DDX46: variants seen among roughly 807,000 people sequenced by gnomAD.
DDX46 encodes the protein probable ATP-dependent RNA helicase DDX46.
In DDX46, 30 loss-of-function variants were observed where a neutral mutation model predicts 134.9. The ratio of observed to expected loss-of-function variants is 0.22; its 90% CI spans 0.17 to 0.30. The LOEUF is 0.30. DDX46 is among the 10% of genes least tolerant of loss of function. DDX46 has a pLI of 1.00. For synonymous variants in DDX46, 415 were observed against 404.1 expected (o/e 1.03, Z -0.32); for missense variants, 622 against 1,248.7 (o/e 0.50, Z 7.56).
intron 16 of DDX46, among the ~76,000 whole-genome samples, chr5:134,810,603 C>G (rs1330265772): frequency 6.6e-6 from 1 of 151,812 alleles, no homozygotes; most frequent in East Asian, 1.9e-4. Context: ...CTTGGCCTCC[C>G]AAAGTGCTGG....
rs576453329 is a variant in DDX46 at position 134,792,842 on chromosome 5, ATTGT to A, written c.1627-2002_1627-1999del. Reference sequence around the variant, plus strand: ...GTACATGAGAGAGAAATGCTGAATAATTGTTTGTTGATAACTGAAAACCTGCTGG... The same window carrying A: ...GTACATGAGAGAGAAATGCTGAATAATTGTTGATAACTGAAAACCTGCTGG... On this transcript the variant is annotated intron_variant, in intron 13 of 22. Coordinates refer to ENST00000452510, the MANE Select transcript of DDX46 (RefSeq NM_001300860.2). Among the ~76,000 whole-genome samples, 42 of 152,336 alleles carry A rather than the reference ATTGT, an allele frequency of 2.8e-4. No individual in the cohort carries two copies. In the East Asian group the frequency reaches 7.1e-3, roughly 26 times the overall value.
intron 14 of DDX46, 27 bp downstream of exon 14, chr5:134,795,041 A>T (rs377511507): frequency 6.2e-7 from 1 of 1,610,924 alleles, no homozygotes; most frequent in Middle Eastern, 1.7e-4. Context: ...GGAAATTCCC[A>T]GTTTCCTTGA....
intron 18 of DDX46, among the ~76,000 whole-genome samples, chr5:134,812,818 A>G (rs1167592091): frequency 6.6e-6 from 1 of 152,020 alleles, no homozygotes; most frequent in Non-Finnish European, 1.5e-5. Context: ...TTGTATTTTT[A>G]GTAGAGATGG....
intron 5 of DDX46, 51 bp from the exon 6 acceptor site, chr5:134,777,523 A>C: frequency 6.2e-7 from 1 of 1,603,628 alleles, no homozygotes; most frequent in African/African-American, 1.3e-5. Flanking sequence ...TGATTGTGAA[A>C]TACTGCATTT....
rs372113261 is a variant in DDX46 at position 134,831,121 on chromosome 5, A to G, written c.*2415A>G. 2.0e-5 allele frequency: 3 copies of G among 152,162 alleles called. No homozygotes were observed. The highest frequency in any genetic ancestry group is 4.8e-5 in the African/African-American group (2 of 41,440). 9.4% of individuals were successfully genotyped at this position (152,162 alleles called of 1,614,324 possible). ...ATAAAATAAAATTAATTCGAATTCA[A>G]TCTGCACTTTCTTAAAATTATCTTT... On this transcript the variant is annotated 3_prime_UTR_variant, in exon 23 of 23. Transcript: ENST00000452510.
intron 15 of DDX46, among the ~76,000 whole-genome samples, chr5:134,806,416 T>C (rs1754987796): frequency 6.6e-6 from 1 of 152,220 alleles, no homozygotes; most frequent in Admixed American, 6.5e-5. Flanking sequence ...ACATCCCATA[T>C]GCTGCTTCAG....
At chr5:134,783,109 C>T in intron 9 of DDX46, 44 bp downstream of exon 9, 1 of 1,601,490 alleles carries the variant, frequency 6.2e-7, no homozygotes, top group Non-Finnish European at 8.5e-7. Flanking sequence ...TCTTGCTGCT[C>T]AAAATAGTCC....
In DDX46 at chr5:134,830,169, G is replaced by GAAAAAAAAAA. The variant is rs57416807; in HGVS notation, c.*1469_*1478dup. The GAAAAAAAAAA allele has an allele frequency of 5.4e-5, 3 of 55,266 alleles. No homozygotes were observed. Among genetic ancestry groups the GAAAAAAAAAA allele is most frequent in the South Asian group, 6.6e-4 (1 of 1,504 alleles). 3.4% of individuals were successfully genotyped at this position (55,266 alleles called of 1,614,324 possible). On this transcript the variant is annotated 3_prime_UTR_variant, in exon 23 of 23. Transcript: ENST00000452510. Reference sequence around the variant, plus strand: ...TTAAACCAACCACAGATCAAAAATAGAAAAAAAAAAAAAAAGAAAAAAAGA... The same window carrying GAAAAAAAAAA: ...TTAAACCAACCACAGATCAAAAATAGAAAAAAAAAAAAAAAAAAAAAAAAAGAAAAAAAGA...
At chr5:134,773,577 C>A in intron 4 of DDX46, 119 bp from the exon 5 acceptor site, 1 of 1,199,150 alleles carries the variant, frequency 8.3e-7, no homozygotes, top group South Asian at 1.8e-5. Flanking sequence ...GTATATATGC[C>A]TTTTTTCCCC....
In DDX46 at chr5:134,788,598, CA is replaced by C. The variant is rs1486824194; in HGVS notation, c.1543+8del. The C allele has an allele frequency of 7.4e-6, 12 of 1,611,342 alleles. No homozygotes were observed. Among genetic ancestry groups the C allele is most frequent in the Non-Finnish European group, 1.0e-5 (12 of 1,179,048 alleles). On this transcript the variant is annotated splice_region_variant and intron_variant, in intron 12 of 22. Coordinates refer to ENST00000452510, the MANE Select transcript of DDX46 (RefSeq NM_001300860.2). ...ATGTTAGCCGCTAACAGTGGTAAGT[CA>C]GGGGTATTTTTTTGGTGTCTTTTAT...
At chr5:134,780,635 C>T (rs1002342772) in intron 6 of DDX46, 2 of 149,868 alleles carry the variant, frequency 1.3e-5, no homozygotes, top group East Asian at 1.9e-4. Flanking sequence ...ATTTATAATA[C>T]AGTAAATTAT....
chr5:134,811,683 C>CT lies in DDX46; in HGVS notation c.2287-6dup. The CT allele has an allele frequency of 1.9e-6, 3 of 1,577,444 alleles. No individual in the cohort carries two copies. The highest frequency in any genetic ancestry group is 1.4e-5 in the African/African-American group (1 of 72,590). ...TTTACTATGAGATTAACTTCGTTTT[C>CT]TTTTTTTGAAAGGAGGGGAAAATAA... On this transcript the variant is annotated splice_polypyrimidine_tract_variant and intron_variant, in intron 17 of 22. Transcript: ENST00000452510.
chr5:134,775,189 A>G (rs1055053379), intron 5 of DDX46, among the ~76,000 whole-genome samples: 2 of 152,030 alleles, frequency 1.3e-5, no homozygotes, highest in South Asian at 2.1e-4. Context: ...CCTGGGGTCA[A>G]GAGAGCCTGC....
At chr5:134,769,327 GTTTTTTTTTTT>G (rs1026334806) in intron 3 of DDX46, among the ~76,000 whole-genome samples, 1 of 100,480 alleles carries the variant, frequency 1.0e-5, no homozygotes, top group Non-Finnish European at 2.0e-5. Flanking sequence ...TATTTTCAAG[GTTTTTTTTTTT>G]TTTTTTTTTT....
chr5:134,811,460 C>G (rs937392195), intron 17 of DDX46, 102 bp downstream of exon 17: 22 of 1,446,192 alleles, frequency 1.5e-5, no homozygotes, highest in Non-Finnish European at 1.9e-5. Context: ...GAAAATTTTG[C>G]TACGACTATT....
intron 5 of DDX46, among the ~76,000 whole-genome samples, chr5:134,776,978 C>T (rs913634763): frequency 4.7e-5 from 7 of 149,614 alleles, no homozygotes; most frequent in Non-Finnish European, 1.0e-4. Context: ...TTTGGGAGGC[C>T]GAGGCGGGCG....
At position 134,828,779 on chromosome 5, in the gene DDX46, G is replaced by A. The variant is rs1412068939; in HGVS notation, c.*73G>A. ...GCAGTTGCTGTCTGCAGTTTACAAT[G>A]TATTGTAAATGAAGATTTTTTAAAT... is the stretch of plus-strand genomic sequence containing the variant. On this transcript the variant is annotated 3_prime_UTR_variant, in exon 23 of 23. Coordinates refer to ENST00000452510, the MANE Select transcript of DDX46 (RefSeq NM_001300860.2). 7.4e-6 allele frequency: 8 copies of A among 1,084,364 alleles called. No individual in the cohort carries two copies. The African/African-American group carries it at 8.2e-5, about 11-fold the overall frequency. 67.2% of individuals were successfully genotyped at this position (1,084,364 alleles called of 1,614,324 possible). A position where few individuals can be genotyped will look rare whatever the true frequency, so the allele number is the denominator to read the frequency against.
Position 134,773,812 on chromosome 5 carries a change from A to G in DDX46, c.564A>G (p.Glu188=). The change falls in exon 5 of 23, where the codon GAA becomes GAG. Residue 188 remains glutamate (E), a synonymous_variant. Transcript: ENST00000452510. ...AMENIGELKK[E]IEEMKQGKKW... ...AAAACATAGGAGAACTGAAAAAGGA[A>G]ATCGAAGAGATGAAACAAGGGAAAA... The G allele has an allele frequency of 6.2e-7, 1 of 1,612,316 alleles. No homozygotes were observed. The highest frequency in any genetic ancestry group is 8.5e-7 in the Non-Finnish European group (1 of 1,179,476).
intron 5 of DDX46, among the ~76,000 whole-genome samples, chr5:134,776,994 C>T (rs932521677): frequency 2.0e-5 from 3 of 151,356 alleles, no homozygotes; most frequent in East Asian, 1.9e-4. Flanking sequence ...GGGCGGATCA[C>T]GAGGTTAGGA....
Sources: gnomAD v4.1 joint callset for allele counts (sites outside exome capture counted in the v4.1 genomes callset) on GRCh38, gnomAD v4.1.1 for gene constraint, MANE v1.5 for transcripts, NCBI Gene and HGNC (gene_info 2026-07-23, HGNC 2026-07-21) for gene names.